Variants in ITSN2 observed in about 807,000 individuals in gnomAD.
ITSN2 encodes intersectin-2.
ITSN2 carries 156 observed loss-of-function variants against 243.7 expected under a neutral mutation model. The ratio of observed to expected loss-of-function variants is 0.64; its 90% confidence interval spans 0.56 to 0.73. ITSN2 has a LOEUF of 0.73. Among genes scored for constraint, ITSN2 ranks in the 30% least tolerant of loss-of-function variants. The probability of loss-of-function intolerance (pLI) is 0.00; values close to 1 mark genes in which losing one functional copy is unlikely to be tolerated. For missense variants in ITSN2, 1,801 were observed against 1,996.1 expected (o/e 0.90, Z 1.86); for synonymous variants, 703 against 699.9 (o/e 1.00, Z -0.07).
chr2:24,259,260 C>G (rs1342953413), intron 22 of ITSN2, among the ~76,000 whole-genome samples: 1 of 152,192 alleles, frequency 6.6e-6, no homozygotes, highest in Non-Finnish European at 1.5e-5. Context: ...CTTCCTCACT[C>G]TCCACATTCA....
rs530855305 is a variant in ITSN2, at chr2:24,298,218, C to T, written c.1494+447G>A. ...TGTTGCCCAGGCTCGAGTGCAGTGGCGCGATCTCAGCTCACTGCAACCTCC... is the reference window on the plus strand; with the variant it reads ...TGTTGCCCAGGCTCGAGTGCAGTGGTGCGATCTCAGCTCACTGCAACCTCC... On this transcript the variant is annotated intron_variant, in intron 13 of 39. Coordinates refer to ENST00000355123, the MANE Select transcript of ITSN2 (RefSeq NM_006277.3). Among the ~76,000 whole-genome samples, 11 of 151,546 alleles carry T rather than the reference C, an allele frequency of 7.3e-5. 1 individual carries two copies. Among genetic ancestry groups the T allele is most frequent in the African/African-American group, 2.2e-4 (9 of 41,314 alleles).
chr2:24,244,230 C>T (rs992999287), intron 29 of ITSN2, among the ~76,000 whole-genome samples: 1 of 152,162 alleles, frequency 6.6e-6, no homozygotes, highest in South Asian at 2.1e-4. Context: ...AAAATTGTCA[C>T]TCAATTAACT....
rs776075309 is a variant in ITSN2, at chr2:24,261,717, G to C, written c.2381C>G (p.Pro794Arg). The C allele has an allele frequency of 3.7e-6, 6 of 1,612,452 alleles. No individual in the cohort carries two copies. In the Admixed American group the frequency reaches 8.4e-5, roughly 22 times the overall value. Reference protein sequence around the residue: ...IQVDEKTVGEPGWLYGSFQGN... With the variant: ...IQVDEKTVGERGWLYGSFQGN... ...TTGAAAACTACCATAAAGCCAACCA[G>C]GTTCTCCTACGGTTTTTTCATCAAC... Residue 794 changes from proline to arginine, a missense_variant, in exon 21 of 40, where the codon CCT becomes CGT. By Grantham distance (103) the Pro-to-Arg change is moderately radical (BLOSUM62 -2). Transcript: ENST00000355123.
At chr2:24,278,715 G>A (rs541907527) in intron 17 of ITSN2, among the ~76,000 whole-genome samples, 33 of 146,028 alleles carry the variant, frequency 2.3e-4, no homozygotes, top group Admixed American at 3.5e-4. Flanking sequence ...GCAGTGGCGC[G>A]ATCTCAGCTC....
In ITSN2 at chr2:24,204,287, GCAC is replaced by G; in HGVS notation, c.4891_4893del (p.Val1631del). 6.2e-7 allele frequency: 1 copy of G among 1,614,172 alleles called. No homozygotes were observed. Among genetic ancestry groups the G allele is most frequent in the South Asian group, 1.1e-5 (1 of 91,082 alleles). On this transcript the variant is annotated inframe_deletion, in exon 39 of 40. Coordinates refer to ENST00000355123, the MANE Select transcript of ITSN2 (RefSeq NM_006277.3). The surrounding 1 kb of genome is among the most constrained non-coding windows in gnomAD (Gnocchi z 5.1). Reference sequence around the variant, plus strand: ...TCTCTGTCAAACAGGGTGAGACACAGCACGTCTTGGTAGAGATCCTTAATAAAG... The same window carrying G: ...TCTCTGTCAAACAGGGTGAGACACAGGTCTTGGTAGAGATCCTTAATAAAG...
At chr2:24,215,532 T>C (rs1304879449) in intron 32 of ITSN2, among the ~76,000 whole-genome samples, 1 of 152,090 alleles carries the variant, frequency 6.6e-6, no homozygotes. Flanking sequence ...CCAGGCGTGG[T>C]GGCACATGCC....
intron 14 of ITSN2, among the ~76,000 whole-genome samples, chr2:24,294,486 T>C (rs557978475): frequency 6.6e-5 from 10 of 152,170 alleles, no homozygotes; most frequent in Non-Finnish European, 1.0e-4. Flanking sequence ...TGGCTTTTGT[T>C]TATCTCTCCT....
At chr2:24,212,155 T>C (rs1226561182) in intron 33 of ITSN2, among the ~76,000 whole-genome samples, 2 of 152,210 alleles carry the variant, frequency 1.3e-5, no homozygotes, top group African/African-American at 2.4e-5. Context: ...AGAAGGAATG[T>C]TGAAGCCGAA....
intron 23 of ITSN2, among the ~76,000 whole-genome samples, chr2:24,255,598 A>T (rs1371417897): frequency 1.3e-5 from 2 of 152,160 alleles, no homozygotes; most frequent in Non-Finnish European, 2.9e-5. Flanking sequence ...ACTGCATTCC[A>T]GCCTGGGCTA....
rs1177065750 is a variant in ITSN2 at position 24,295,791 on chromosome 2, T to A, written c.1508A>T (p.Gln503Leu). The A allele has an allele frequency of 1.9e-6, 3 of 1,544,298 alleles. No homozygotes were observed. In the East Asian group the frequency reaches 7.7e-5, roughly 39 times the overall value. Residue 503 changes from glutamine (Q) to leucine (L), a missense_variant, in exon 14 of 40, where the codon CAG (glutamine) becomes CTG (leucine). Gln to Leu is a moderately radical substitution (Grantham distance 113). Coordinates refer to ENST00000355123, the MANE Select transcript of ITSN2 (RefSeq NM_006277.3). The stretch of plus-strand genomic sequence containing the variant: ...ATCCTGAAGTCTGCCTGAGATCTGC[T>A]GATGTTTGCCATTCTATAGGAAGAT... ...LELEALNGKH[Q>L]QISGRLQDVR...
chr2:24,307,258 T>C (rs1204111014), intron 8 of ITSN2, among the ~76,000 whole-genome samples: 2 of 152,028 alleles, frequency 1.3e-5, no homozygotes, highest in Non-Finnish European at 2.9e-5. Flanking sequence ...TATTATTTTA[T>C]GAATAAGAAA....
rs557964440 is a variant in ITSN2 at position 24,225,439 on chromosome 2, T to C, written c.3578-4373A>G. On this transcript the variant is annotated intron_variant, in intron 29 of 39. Transcript: ENST00000355123. The surrounding 1 kb of genome is among the most constrained non-coding windows in gnomAD (Gnocchi z 4.2). ...TGCTCTCGGGAAGGTATCGATGACC[T>C]TGGCATTGCCAAGTTCAGTGACCTC... Among the ~76,000 whole-genome samples the C allele has an allele frequency of 1.3e-5, 2 of 152,332 alleles. No individual in the cohort carries two copies. Among genetic ancestry groups the C allele is most frequent in the East Asian group, 3.9e-4 (2 of 5,178 alleles).
chr2:24,325,543 T>G (rs576108591), intron 2 of ITSN2, among the ~76,000 whole-genome samples: 6 of 152,348 alleles, frequency 3.9e-5, no homozygotes, highest in African/African-American at 1.2e-4. Context: ...AGGCAAAAGT[T>G]TGTTACTTTG....
chr2:24,235,972 T>C (rs1672105613), intron 29 of ITSN2, among the ~76,000 whole-genome samples: 1 of 152,194 alleles, frequency 6.6e-6, no homozygotes, highest in Non-Finnish European at 1.5e-5. Context: ...AGATTTGCCA[T>C]TTGACCTGGG....
At chr2:24,361,099 C>T (rs913148612), upstream of ITSN2, among the ~76,000 whole-genome samples, 1 of 152,164 alleles carries the variant, frequency 6.6e-6, no homozygotes, top group Non-Finnish European at 1.5e-5. Flanking sequence ...ATCCATTCAC[C>T]ATTCCTCGCC....
At chr2:24,335,493 C>G (rs1302666152) in intron 1 of ITSN2, among the ~76,000 whole-genome samples, 1 of 152,154 alleles carries the variant, frequency 6.6e-6, no homozygotes, top group East Asian at 1.9e-4. Context: ...CCACCATGCT[C>G]AGCTAATTTT....
In ITSN2 at chr2:24,298,897, C is replaced by T. The variant is rs6707600; in HGVS notation, c.1345-83G>A. 0.98 allele frequency: 1,311,831 copies of T among 1,338,952 alleles called. 642,684 individuals are homozygous for T. The highest frequency in any genetic ancestry group is 0.99 in the East Asian group (42,354 of 42,998). The allele number at this position is 1,338,952 out of a possible 1,614,324, so 82.9% of individuals were successfully genotyped here. The stretch of plus-strand genomic sequence containing the variant: ...AAACTGGGAAGACAACAATAAAAGT[C>T]AGGCAGAGTTTAGCACTTAGTGGCT... On this transcript the variant is annotated intron_variant, in intron 12 of 39. Transcript: ENST00000355123.
intron 22 of ITSN2, among the ~76,000 whole-genome samples, chr2:24,260,013 T>C (rs1317713538): frequency 6.6e-6 from 1 of 152,138 alleles, no homozygotes; most frequent in Non-Finnish European, 1.5e-5. Context: ...CTCAAACTCC[T>C]GGTCTAAAGT....
chr2:24,322,531 C>T (rs529085667), intron 2 of ITSN2, among the ~76,000 whole-genome samples: 11 of 152,154 alleles, frequency 7.2e-5, no homozygotes, highest in African/African-American at 1.9e-4. Context: ...AACTGGATAT[C>T]CATATGAAAA....
Sources: gnomAD v4.1 joint callset for allele counts (sites outside exome capture counted in the v4.1 genomes callset) on GRCh38, gnomAD v4.1.1 for gene constraint, Gnocchi (gnomAD v3.1) non-coding constraint, MANE v1.5 for transcripts, NCBI Gene and HGNC (gene_info 2026-07-23, HGNC 2026-07-21) for gene names.